Variants in NFRKB observed in about 807,000 individuals in gnomAD.
NFRKB encodes the protein nuclear factor related to kappaB binding protein.
NFRKB carries 62 observed loss-of-function variants against 135.7 expected under a neutral mutation model. The ratio of observed to expected loss-of-function variants is 0.46; its 90% CI spans 0.37 to 0.56. The LOEUF is 0.56. Among genes scored for constraint, NFRKB ranks in the 20% least tolerant of loss-of-function variants. NFRKB has a pLI of 0.00. For missense variants in NFRKB, 1,545 were observed against 1,662.0 expected, an observed-to-expected ratio of 0.93 and a Z score of 1.22; for synonymous variants, 678 against 635.6, an observed-to-expected ratio of 1.07 and a Z score of -1.00.
chr11:129,873,415 G>A (rs1436709622), intron 22 of NFRKB, among the ~76,000 whole-genome samples: 2 of 152,184 alleles, frequency 1.3e-5, no homozygotes, highest in Non-Finnish European at 2.9e-5. Flanking sequence ...CTAGTTCATG[G>A]CGTAGCTAAG....
chr11:129,871,540 C>T (rs915288491), intron 23 of NFRKB, among the ~76,000 whole-genome samples: 3 of 152,164 alleles, frequency 2.0e-5, no homozygotes, highest in Non-Finnish European at 4.4e-5. Flanking sequence ...TCTAACCAAG[C>T]GCCCAAGCCA....
Position 129,886,442 on chromosome 11 carries a change from C to T in NFRKB, c.340G>A (p.Gly114Arg), listed in dbSNP as rs768581540. ...TTGACCACCTCGGGGTTAAAGTGTC[C>T]GTCTTAAAAAAATAAAGGTATATAT... Reference protein sequence around the residue: ...LHIAQKLFRDGHFNPEVVKYR... With the variant: ...LHIAQKLFRDRHFNPEVVKYR... The change falls in exon 5 of 27, where the codon GGA (glycine) becomes AGA (arginine). Residue 114 changes from glycine (G) to arginine (R), a missense_variant and splice_region_variant. Physicochemically the swap from Gly to Arg is moderately radical, Grantham distance 125 (BLOSUM62 -2). Transcript: ENST00000682444. The T allele has an allele frequency of 1.9e-6, 3 of 1,612,428 alleles. No homozygotes were observed. The highest frequency in any genetic ancestry group is 2.5e-6 in the Non-Finnish European group (3 of 1,179,528).
In NFRKB at chr11:129,884,284, G is replaced by A. The variant is rs940882671; in HGVS notation, c.743-141C>T. 1.4e-5 allele frequency: 11 copies of A among 812,656 alleles called. No individual in the cohort carries two copies. In the African/African-American group the frequency reaches 1.7e-4, roughly 12 times the overall value. 50.3% of individuals were successfully genotyped at this position (812,656 alleles called of 1,614,324 possible). Reference sequence around the variant, plus strand: ...GTACCAAAAATCTTTAAAGTCACAGGATCGACACTTCCACTTTTCCATACG... The same window carrying A: ...GTACCAAAAATCTTTAAAGTCACAGAATCGACACTTCCACTTTTCCATACG... On this transcript the variant is annotated intron_variant, in intron 7 of 26. Coordinates refer to ENST00000682444, the MANE Select transcript of NFRKB (RefSeq NM_001143835.2).
At chr11:129,883,011 G>C (rs1215456664) in intron 9 of NFRKB, 111 bp downstream of exon 9, 1 of 925,252 alleles carries the variant, frequency 1.1e-6, no homozygotes, top group African/African-American at 1.6e-5. Flanking sequence ...TAATAATAAA[G>C]GTTACCAGCA....
chr11:129,878,005 C>T (rs1406945280), intron 15 of NFRKB, among the ~76,000 whole-genome samples: 1 of 152,138 alleles, frequency 6.6e-6, no homozygotes. Flanking sequence ...CTAAGATGGC[C>T]TAGATGAATA....
At position 129,888,813 on chromosome 11, in the gene NFRKB, A is replaced by G; in HGVS notation, c.136-18T>C. The G allele has an allele frequency of 6.3e-7, 1 of 1,595,074 alleles. No homozygotes were observed. Among genetic ancestry groups the G allele is most frequent in the Non-Finnish European group, 8.6e-7 (1 of 1,166,628 alleles). ...ATCTCAGGCTAGGAGAAATAGGAAA[A>G]GTAAACAAAAGTAAAATAAATTTTT... On this transcript the variant is annotated intron_variant, in intron 3 of 26. Coordinates refer to ENST00000682444, the MANE Select transcript of NFRKB (RefSeq NM_001143835.2).
rs1565423278 is a variant in NFRKB, at chr11:129,888,652, G to GAAC, written c.276_278dup (p.Leu92dup). On this transcript the variant is annotated inframe_insertion, in exon 4 of 27. Transcript: ENST00000682444. ...TTCCAAAGCGGAAGTTCTCCCCACT[G>GAAC]AACAAGGCTAAGATGAGTTCATTCT... is the stretch of plus-strand genomic sequence containing the variant. The GAAC allele has an allele frequency of 6.2e-7, 1 of 1,614,154 alleles. No homozygotes were observed. Among genetic ancestry groups the GAAC allele is most frequent in the East Asian group, 2.2e-5 (1 of 44,878 alleles).
rs748546473 is a variant in NFRKB at position 129,873,697 on chromosome 11, T to C, written c.2550+48A>G. 22 of 1,594,142 alleles carry C rather than the reference T, an allele frequency of 1.4e-5. No individual in the cohort carries two copies. In the East Asian group the frequency reaches 3.1e-4, roughly 23 times the overall value. ...TGCCCATCTGACTCATCAGCCCACC[T>C]CTGGGTCTGCATCTCTGCTTCCCAA... On this transcript the variant is annotated intron_variant, in intron 22 of 26. Coordinates refer to ENST00000682444, the MANE Select transcript of NFRKB (RefSeq NM_001143835.2).
At chr11:129,891,938 A>G (rs56235365) in intron 3 of NFRKB, among the ~76,000 whole-genome samples, 1 of 152,240 alleles carries the variant, frequency 6.6e-6, no homozygotes, top group Non-Finnish European at 1.5e-5. Flanking sequence ...ATTAACTGCC[A>G]AATATTTCAC....
In NFRKB at chr11:129,870,370, T is replaced by C. The variant is rs150697498; in HGVS notation, c.2764-109A>G. On this transcript the variant is annotated intron_variant, in intron 23 of 26. Transcript: ENST00000682444. ...GGGTAGATGTTTTGTATTTTTTTTT[T>C]AACTTTTTATTTTGCAAACATTCAC... 1.4e-3 allele frequency: 1,739 copies of C among 1,282,238 alleles called. 3 individuals are homozygous for C. The highest frequency in any genetic ancestry group is 1.7e-3 in the Non-Finnish European group (1,593 of 930,386). The allele number at this position is 1,282,238 out of a possible 1,614,324, so 79.4% of individuals were successfully genotyped here. A position where few individuals can be genotyped will look rare whatever the true frequency, so the allele number is the denominator to read the frequency against.
Position 129,864,642 on chromosome 11 carries a change from A to T in NFRKB, c.*83T>A. On this transcript the variant is annotated 3_prime_UTR_variant, in exon 27 of 27. Transcript: ENST00000682444. ...TGGCTGCCTTGAACAGGCAAGCTTA[A>T]AACAATGATGCAACCTCCCTGGTCC... The T allele has an allele frequency of 6.3e-7, 1 of 1,591,700 alleles. No individual in the cohort carries two copies. The highest frequency in any genetic ancestry group is 8.6e-7 in the Non-Finnish European group (1 of 1,166,710).
intron 15 of NFRKB, 120 bp from the exon 16 acceptor site, chr11:129,877,505 T>C: frequency 3.2e-6 from 3 of 945,792 alleles, no homozygotes; most frequent in Non-Finnish European, 5.1e-6. Context: ...AAGCACTCAA[T>C]TCTTACAAAG....
Position 129,877,670 on chromosome 11 carries a change from C to A in NFRKB, c.1512-285G>T, listed in dbSNP as rs78645518. On this transcript the variant is annotated intron_variant, in intron 15 of 26. Coordinates refer to ENST00000682444, the MANE Select transcript of NFRKB (RefSeq NM_001143835.2). ...TTTCAATATTGCTGTTAAGTAGGTC[C>A]GTTCTAAAGGCAACAAACAATTCGG... Among the ~76,000 whole-genome samples the A allele has an allele frequency of 6.9e-3, 1,054 of 152,146 alleles. 10 individuals carry two copies. Among genetic ancestry groups the A allele is most frequent in the African/African-American group, 0.024 (999 of 41,482 alleles).
rs1478764504 is a variant in NFRKB, at chr11:129,894,412, C to T, written c.-75G>A. 6.6e-6 allele frequency: 1 copy of T among 152,218 alleles called. No homozygotes were observed. The highest frequency in any genetic ancestry group is 1.5e-5 in the Non-Finnish European group (1 of 68,038). 9.4% of individuals were successfully genotyped at this position (152,218 alleles called of 1,614,324 possible). On this transcript the variant is annotated 5_prime_UTR_variant, in exon 2 of 27. Coordinates refer to ENST00000682444, the MANE Select transcript of NFRKB (RefSeq NM_001143835.2). ...GGAAGGGAAGCTGGACCAGGTCCTC[C>T]CTCCCGTTATTTCCAATTCTGGAAT...
At chr11:129,880,323 G>A (rs952272414) in intron 13 of NFRKB, among the ~76,000 whole-genome samples, 3 of 152,140 alleles carry the variant, frequency 2.0e-5, no homozygotes, top group African/African-American at 7.2e-5. Context: ...CAGGAGCCAT[G>A]CCTCACACCA....
intron 3 of NFRKB, among the ~76,000 whole-genome samples, chr11:129,890,206 C>T (rs375097147): frequency 5.3e-5 from 8 of 151,744 alleles, no homozygotes; most frequent in African/African-American, 1.7e-4. Context: ...AGGAAACAAC[C>T]CAGAAATCCA....
Position 129,881,435 on chromosome 11 carries a change from T to G in NFRKB, c.1384+8A>C. 1 of 1,613,900 alleles carries G rather than the reference T, an allele frequency of 6.2e-7. No individual in the cohort carries two copies. Among genetic ancestry groups the G allele is most frequent in the Non-Finnish European group, 8.5e-7 (1 of 1,179,848 alleles). On this transcript the variant is annotated splice_region_variant and intron_variant, in intron 13 of 26. Transcript: ENST00000682444. ...AACCTGTTGGGGTAGGTAATACGGA[T>G]CACTTACCAAGCAACTTCCACTGCT...
At position 129,864,637 on chromosome 11, in the gene NFRKB, G is replaced by A; in HGVS notation, c.*88C>T. 1 of 1,582,840 alleles carries A rather than the reference G, an allele frequency of 6.3e-7. No homozygotes were observed. Among genetic ancestry groups the A allele is most frequent in the Non-Finnish European group, 8.6e-7 (1 of 1,161,042 alleles). On this transcript the variant is annotated 3_prime_UTR_variant, in exon 27 of 27. Coordinates refer to ENST00000682444, the MANE Select transcript of NFRKB (RefSeq NM_001143835.2). Reference sequence around the variant, plus strand: ...TCGCCTGGCTGCCTTGAACAGGCAAGCTTAAAACAATGATGCAACCTCCCT... The same window carrying A: ...TCGCCTGGCTGCCTTGAACAGGCAAACTTAAAACAATGATGCAACCTCCCT...
intron 3 of NFRKB, 106 bp downstream of exon 3, chr11:129,892,609 C>T: frequency 8.2e-7 from 1 of 1,221,714 alleles, no homozygotes; most frequent in Non-Finnish European, 1.2e-6. Context: ...AGAAAATGAA[C>T]AAAAGGGAGC....
Sources: gnomAD v4.1 joint callset for allele counts (sites outside exome capture counted in the v4.1 genomes callset) on GRCh38, gnomAD v4.1.1 for gene constraint, MANE v1.5 for transcripts, NCBI Gene and HGNC (gene_info 2026-07-23, HGNC 2026-07-21) for gene names.